THRB: variants seen among roughly 807,000 people sequenced by gnomAD.
THRB encodes nuclear receptor subfamily 1 group A member 2.
A neutral mutation model predicts 47.8 loss-of-function variants in THRB; 12 were observed. The ratio of observed to expected loss-of-function variants is 0.25; its 90% CI spans 0.16 to 0.41. The LOEUF is 0.41. Ranked by LOEUF, THRB falls within the 10% of genes least tolerant of loss-of-function variation. The probability of loss-of-function intolerance (pLI) is 1.00; values close to 1 mark genes in which losing one functional copy is unlikely to be tolerated. For missense variants in THRB, 348 were observed against 589.2 expected, an observed-to-expected ratio of 0.59 and a Z score of 4.24; for synonymous variants, 218 against 212.2, an observed-to-expected ratio of 1.03 and a Z score of -0.24.
At chr3:24,188,784 C>T (rs551576243) in intron 5 of THRB, among the ~76,000 whole-genome samples, 10 of 146,778 alleles carry the variant, frequency 6.8e-5, no homozygotes, top group African/African-American at 2.6e-4. Flanking sequence ...ATACGTCCTA[C>T]ATCCTGACTC....
intron 4 of THRB, among the ~76,000 whole-genome samples, chr3:24,218,703 T>G (rs2046864816): frequency 6.6e-6 from 1 of 152,140 alleles, no homozygotes; most frequent in African/African-American, 2.4e-5. Context: ...TTTATATAAA[T>G]CTTACATCCT....
chr3:24,154,103 T>G (rs559727636), intron 5 of THRB, among the ~76,000 whole-genome samples: 1 of 152,322 alleles, frequency 6.6e-6, no homozygotes, highest in East Asian at 1.9e-4. Flanking sequence ...AGGCAGATAA[T>G]TGACTTGAAA....
At chr3:24,314,998 G>T (rs1236552597) in intron 2 of THRB, among the ~76,000 whole-genome samples, 1 of 152,040 alleles carries the variant, frequency 6.6e-6, no homozygotes, top group Non-Finnish European at 1.5e-5. Context: ...TCCTCTCCCT[G>T]CCCCCGACGG....
chr3:24,224,907 A>G (rs1287780806), intron 4 of THRB, among the ~76,000 whole-genome samples: 1 of 152,236 alleles, frequency 6.6e-6, no homozygotes, highest in South Asian at 2.1e-4. Flanking sequence ...AGGAGACTCT[A>G]GCTTTGATAT....
chr3:24,414,920 G>C (rs950325356), intron 1 of THRB, among the ~76,000 whole-genome samples: 1 of 151,782 alleles, frequency 6.6e-6, no homozygotes, highest in East Asian at 2.0e-4. Context: ...ATCTCTAAAA[G>C]GCTCAAGTTA....
At chr3:24,128,303 A>G (rs758004473) in intron 9 of THRB, among the ~76,000 whole-genome samples, 7 of 152,194 alleles carry the variant, frequency 4.6e-5, no homozygotes, top group Non-Finnish European at 8.8e-5. Flanking sequence ...CCAGAGATAT[A>G]AGCTTCATCT....
intron 2 of THRB, among the ~76,000 whole-genome samples, chr3:24,300,213 C>T (rs1019972326): frequency 6.6e-6 from 1 of 152,070 alleles, no homozygotes; most frequent in African/African-American, 2.4e-5. Context: ...CTCAGTTACA[C>T]CAGGAATTAA....
chr3:24,182,224 C>CA (rs1345475976), intron 5 of THRB, among the ~76,000 whole-genome samples: 2 of 138,252 alleles, frequency 1.4e-5, no homozygotes, highest in Admixed American at 7.8e-5. Context: ...AACAAAAAAA[C>CA]AAACAAAAAA....
chr3:24,284,195 A>G (rs1358541221), intron 3 of THRB, among the ~76,000 whole-genome samples: 2 of 150,616 alleles, frequency 1.3e-5, no homozygotes, highest in Non-Finnish European at 3.0e-5. Context: ...ACAAGGCTAC[A>G]GTAACCAAAA....
At chr3:24,346,368 T>C (rs988531851) in intron 1 of THRB, among the ~76,000 whole-genome samples, 1 of 151,874 alleles carries the variant, frequency 6.6e-6, no homozygotes, top group Non-Finnish European at 1.5e-5. Flanking sequence ...AGAGGTGAAA[T>C]ATTTCATTAA....
rs115342892 is a variant in THRB, at chr3:24,407,839, T to C, written c.-260-70468A>G. Among the ~76,000 whole-genome samples the C allele has an allele frequency of 8.9e-4, 136 of 152,026 alleles. 1 individual carries two copies. Among genetic ancestry groups the C allele is most frequent in the Non-Finnish European group, 1.4e-3 (94 of 67,886 alleles). On this transcript the variant is annotated intron_variant, in intron 1 of 10. Coordinates refer to ENST00000646209, the MANE Select transcript of THRB (RefSeq NM_001354712.2). ...AGGTACCAAAGGATACAGAAATAAT[T>C]GTAATTCTCATCTTTGGTGAAATTT...
At chr3:24,448,579 C>T (rs908584136) in intron 1 of THRB, among the ~76,000 whole-genome samples, 1 of 152,168 alleles carries the variant, frequency 6.6e-6, no homozygotes, top group African/African-American at 2.4e-5. Flanking sequence ...ATTAAAAAGA[C>T]TTGTATACCT....
Position 24,190,155 on chromosome 3 carries a change from A to T in THRB, c.202T>A (p.Phe68Ile). ...TTCACATCATCATGGTCCAGATGGA[A>T]TATTGAGCTAGTCCAAGTGGTCTGG... ...LIQTTWTSSI[F>I]HLDHDDVNDQ... is the part of the protein sequence containing the mutation. Residue 68 changes from phenylalanine (F) to isoleucine (I), a missense_variant, in exon 5 of 11, where the codon TTC becomes ATC. Transcript: ENST00000646209. 1 of 1,614,068 alleles carries T rather than the reference A, an allele frequency of 6.2e-7. No individual in the cohort carries two copies. Among genetic ancestry groups the T allele is most frequent in the Non-Finnish European group, 8.5e-7 (1 of 1,179,936 alleles).
rs182952024 is a variant in THRB, at chr3:24,475,241, A to G, written c.-261+19411T>C. On this transcript the variant is annotated intron_variant, in intron 1 of 10. Transcript: ENST00000646209. ...AACAAATACGAATAGCTATAATTTG[A>G]TATTATTTAAGTTAATATTTTATTT... Among the ~76,000 whole-genome samples, 7 of 152,254 alleles carry G rather than the reference A, an allele frequency of 4.6e-5. No homozygotes were observed. The East Asian group carries it at 1.2e-3, about 25-fold the overall frequency.
intron 1 of THRB, among the ~76,000 whole-genome samples, chr3:24,466,283 A>AT (rs2074150677): frequency 6.8e-6 from 1 of 148,070 alleles, no homozygotes; most frequent in Admixed American, 6.7e-5. Context: ...TACCATCTCC[A>AT]TTTTTTTCAT....
intron 4 of THRB, among the ~76,000 whole-genome samples, chr3:24,206,728 A>G (rs1575867775): frequency 6.6e-6 from 1 of 152,170 alleles, no homozygotes; most frequent in East Asian, 1.9e-4. Flanking sequence ...TTTTTTGAAA[A>G]GATCAACAAA....
At chr3:24,258,388 CA>C (rs1042624032) in intron 3 of THRB, among the ~76,000 whole-genome samples, 1 of 152,088 alleles carries the variant, frequency 6.6e-6, no homozygotes, top group East Asian at 1.9e-4. Context: ...AAGAAACAAA[CA>C]AACAAGTGGA....
chr3:24,225,130 G>A (rs543668489), intron 4 of THRB, among the ~76,000 whole-genome samples: 10 of 152,136 alleles, frequency 6.6e-5, no homozygotes, highest in African/African-American at 2.4e-4. Context: ...TGTAAAAAAT[G>A]CTCAACCTCA....
rs1404497977 is a variant in THRB, at chr3:24,118,876, G to A, written c.*4008C>T. On this transcript the variant is annotated 3_prime_UTR_variant, in exon 11 of 11. Coordinates refer to ENST00000646209, the MANE Select transcript of THRB (RefSeq NM_001354712.2). ...CTTGAAGGCGGCATTAATTAATGTG[G>A]AAACACACTATAAATGCACACTTTT... The A allele has an allele frequency of 6.6e-6, 1 of 151,720 alleles. No individual in the cohort carries two copies. Among genetic ancestry groups the A allele is most frequent in the Non-Finnish European group, 1.5e-5 (1 of 67,918 alleles). The allele number at this position is 151,720 out of a possible 1,614,324, so 9.4% of individuals were successfully genotyped here. A position where few individuals can be genotyped will look rare whatever the true frequency, so the allele number is the denominator to read the frequency against.
Sources: gnomAD v4.1 joint callset for allele counts (sites outside exome capture counted in the v4.1 genomes callset) on GRCh38, gnomAD v4.1.1 for gene constraint, MANE v1.5 for transcripts, NCBI Gene and HGNC (gene_info 2026-07-23, HGNC 2026-07-21) for gene names.